The following TMEM164 variants were observed in gnomAD, a reference collection of about 807,000 sequenced individuals.
TMEM164 encodes the protein RP13-360B22.2.
A neutral mutation model predicts 18.8 loss-of-function variants in TMEM164; 4 were observed. The ratio of observed to expected loss-of-function variants is 0.21; its 90% CI spans 0.10 to 0.49. TMEM164 has a LOEUF of 0.49. TMEM164 is among the 20% of genes least tolerant of loss of function. TMEM164 has a pLI of 0.98. For synonymous variants in TMEM164, 86 were observed against 101.7 expected, an observed-to-expected ratio of 0.85 and a Z score of 0.93; for missense variants, 108 against 239.9, an observed-to-expected ratio of 0.45 and a Z score of 3.63.
chrX:110,143,989 G>T (rs1176345192), intron 4 of TMEM164, among the ~76,000 whole-genome samples: 6 of 111,949 alleles, frequency 5.4e-5, no homozygotes, highest in Non-Finnish European at 1.1e-4. Context: ...GCTGTGGCAG[G>T]TCAAAACATG....
intron 3 of TMEM164, among the ~76,000 whole-genome samples, chrX:110,086,352 A>G (rs867653219): frequency 5.4e-5 from 6 of 111,697 alleles, no homozygotes; most frequent in African/African-American, 1.9e-4. Context: ...TTTGCAAGCC[A>G]TATGATCTCT....
chrX:110,121,988 C>G (rs1188087327), intron 4 of TMEM164, among the ~76,000 whole-genome samples: 2 of 112,011 alleles, frequency 1.8e-5, no homozygotes, highest in African/African-American at 3.2e-5. Context: ...TTGAGCATCC[C>G]TAGTCTGAAA....
At chrX:110,044,436 G>T (rs537012161) in intron 2 of TMEM164, among the ~76,000 whole-genome samples, 157 of 106,267 alleles carry the variant, frequency 1.5e-3, no homozygotes, top group South Asian at 2.9e-3. Context: ...TTTTTTTTTT[G>T]TTGTTGTTGT....
At chrX:110,133,256 T>C (rs1014344534) in intron 4 of TMEM164, among the ~76,000 whole-genome samples, 3 of 111,873 alleles carry the variant, frequency 2.7e-5, no homozygotes, top group African/African-American at 9.8e-5. Flanking sequence ...GTTCAAGCAA[T>C]TCTCCTGCCT....
At chrX:110,156,553 G>A (rs1050129278) in intron 5 of TMEM164, among the ~76,000 whole-genome samples, 5 of 111,286 alleles carry the variant, frequency 4.5e-5, no homozygotes, top group South Asian at 3.8e-4. Context: ...AGAAGAGGGC[G>A]CAGAAGGAAG....
At chrX:110,124,312 G>A (rs994066529) in intron 4 of TMEM164, among the ~76,000 whole-genome samples, 2 of 111,237 alleles carry the variant, frequency 1.8e-5, no homozygotes, top group Admixed American at 1.9e-4. Context: ...ATAATCCTTT[G>A]TTGGGTGCCA....
chrX:110,043,353 T>A (rs1447588296), intron 2 of TMEM164, among the ~76,000 whole-genome samples: 1 of 112,607 alleles, frequency 8.9e-6, no homozygotes, highest in Non-Finnish European at 1.9e-5. Flanking sequence ...GCTCCAAGTA[T>A]TAATAGATAT....
At chrX:110,037,205 T>C (rs924691909) in intron 2 of TMEM164, among the ~76,000 whole-genome samples, 2 of 110,937 alleles carry the variant, frequency 1.8e-5, no homozygotes, top group Non-Finnish European at 3.8e-5. Flanking sequence ...AGGGAGATGA[T>C]GCCAGATTGG....
At chrX:110,069,823 A>T (rs2065559036) in intron 3 of TMEM164, among the ~76,000 whole-genome samples, 1 of 111,371 alleles carries the variant, frequency 9.0e-6, no homozygotes, top group Non-Finnish European at 1.9e-5. Context: ...AGTCTTGGTT[A>T]AGATAGTTTT....
intron 5 of TMEM164, among the ~76,000 whole-genome samples, chrX:110,160,713 C>A (rs764544202): frequency 9.0e-5 from 10 of 111,288 alleles, no homozygotes; most frequent in Non-Finnish European, 1.9e-4. Context: ...AGGCTTGACA[C>A]CCAGTAATAA....
intron 2 of TMEM164, among the ~76,000 whole-genome samples, chrX:110,013,770 T>G (rs1039618015): frequency 8.9e-6 from 1 of 112,122 alleles, no homozygotes; most frequent in Non-Finnish European, 1.9e-5. Flanking sequence ...ATAATAGGGT[T>G]GTTGTGAGGG....
chrX:110,043,601 T>C (rs1414720785), intron 2 of TMEM164, among the ~76,000 whole-genome samples: 2 of 112,352 alleles, frequency 1.8e-5, no homozygotes, highest in Non-Finnish European at 3.8e-5. Context: ...AAATTGGAAT[T>C]GAAAACTAAA....
chrX:110,131,634 C>G (rs1360947895), intron 4 of TMEM164, among the ~76,000 whole-genome samples: 2 of 109,864 alleles, frequency 1.8e-5, no homozygotes, highest in Non-Finnish European at 3.8e-5. Flanking sequence ...CCTCCACATA[C>G]AAGCCAATTT....
intron 5 of TMEM164, among the ~76,000 whole-genome samples, chrX:110,157,647 A>G (rs1436838462): frequency 9.0e-6 from 1 of 111,508 alleles, no homozygotes; most frequent in Non-Finnish European, 1.9e-5. Context: ...GGTAATGACA[A>G]GAGAAATAAG....
chrX:110,060,507 C>T (rs1182257050), intron 2 of TMEM164, among the ~76,000 whole-genome samples: 1 of 111,562 alleles, frequency 9.0e-6, no homozygotes. Flanking sequence ...CTTCACCCAG[C>T]TTCCCCTAAT....
chrX:110,097,192 G>A (rs1216287078), intron 3 of TMEM164, among the ~76,000 whole-genome samples: 1 of 111,463 alleles, frequency 9.0e-6, no homozygotes, highest in Admixed American at 9.6e-5. Context: ...GGCTGGTCTC[G>A]AACTCCTGAC....
At chrX:110,168,930 G>T (rs188858477) in intron 5 of TMEM164, among the ~76,000 whole-genome samples, 1 of 112,396 alleles carries the variant, frequency 8.9e-6, no homozygotes, top group African/African-American at 3.2e-5. Flanking sequence ...TGTAATTACG[G>T]TATATTATCT....
chrX:110,108,068 CTGTGTGTGTGTGTGTGTGTGTG>C (rs56714507), intron 3 of TMEM164, among the ~76,000 whole-genome samples: 14 of 46,378 alleles, frequency 3.0e-4, no homozygotes, highest in East Asian at 8.1e-4. Context: ...AGGAGGTATG[CTGTGTGTGTGTGTGTGTGTGTG>C]TGTGTGTGTG....
At chrX:110,046,383 A>C in intron 2 of TMEM164, 1 of 753,657 alleles carries the variant, frequency 1.3e-6, no homozygotes, top group Non-Finnish European at 1.6e-6. Flanking sequence ...CATGTAATAG[A>C]GGAAAGCATT....
Sources: allele counts gnomAD v4.1 joint callset (sites outside exome capture counted in the v4.1 genomes callset), GRCh38; gene constraint gnomAD v4.1.1; transcripts MANE v1.5; gene names NCBI Gene and HGNC (gene_info 2026-07-23, HGNC 2026-07-21).